Variants in FUT8 observed in about 807,000 individuals in gnomAD.
The protein encoded by FUT8 is fucosyltransferase 8, also known as alpha-(1,6)-fucosyltransferase.
FUT8 carries 29 observed loss-of-function variants against 71.3 expected under a neutral mutation model. The ratio of observed to expected loss-of-function variants is 0.41; its 90% confidence interval spans 0.30 to 0.55. The LOEUF (loss-of-function observed/expected upper bound fraction) is 0.55. Among genes scored for constraint, FUT8 ranks in the 20% least tolerant of loss-of-function variants. The pLI is 0.34. For missense variants in FUT8, 544 were observed against 702.1 expected, an observed-to-expected ratio of 0.77 and a Z score of 2.55; for synonymous variants, 254 against 239.3, an observed-to-expected ratio of 1.06 and a Z score of -0.57.
chr14:65,568,376 G>A (rs1253033013), intron 3 of FUT8, among the ~76,000 whole-genome samples: 1 of 149,084 alleles, frequency 6.7e-6, no homozygotes, highest in African/African-American at 2.5e-5. Context: ...TTTCTTTATT[G>A]TATATCTGTT....
At chr14:65,438,592 G>C (rs553253065) in intron 1 of FUT8, among the ~76,000 whole-genome samples, 2 of 152,334 alleles carry the variant, frequency 1.3e-5, no homozygotes, top group South Asian at 4.1e-4. Context: ...TGGTAGAGCA[G>C]CTCTGGAGTA....
chr14:65,622,662 T>C (rs1889677356), intron 5 of FUT8, among the ~76,000 whole-genome samples: 1 of 152,230 alleles, frequency 6.6e-6, no homozygotes, highest in Admixed American at 6.5e-5. Context: ...AATAAGGAGC[T>C]TTGTTTTCTT....
At chr14:65,474,757 G>GAGAGAAGGTATT (rs2066209203) in intron 2 of FUT8, among the ~76,000 whole-genome samples, 1 of 152,126 alleles carries the variant, frequency 6.6e-6, no homozygotes, top group Admixed American at 6.5e-5. Flanking sequence ...ATACCTTGGT[G>GAGAGAAGGTATT]AGCCTGAGAG....
At chr14:65,378,863 T>TTTTTTTGATGG in the FUT8 span, among the ~76,000 whole-genome samples, 1 of 141,038 alleles carries the variant, frequency 7.1e-6, no homozygotes, top group Non-Finnish European at 1.5e-5. Flanking sequence ...TTTTTTTTTT[T>TTTTTTTGATGG]GAGATGGAGT....
At chr14:65,541,473 G>A (rs1884675581) in intron 2 of FUT8, among the ~76,000 whole-genome samples, 1 of 152,182 alleles carries the variant, frequency 6.6e-6, no homozygotes, top group African/African-American at 2.4e-5. Flanking sequence ...TGCTGCTGCT[G>A]GATAAGTCTT....
In FUT8 at chr14:65,700,106, T is replaced by A. The variant is rs550649460; in HGVS notation, c.836-21669T>A. Among the ~76,000 whole-genome samples, 46 of 152,306 alleles carry A rather than the reference T, an allele frequency of 3.0e-4. 1 individual carries two copies. Among genetic ancestry groups the A allele is most frequent in the Non-Finnish European group, 5.1e-4 (35 of 68,026 alleles). ...TAACATAATCTGATTATGTTGTATATGTTGTTTCCTGTGCACTGAAGCCTA... is the reference window on the plus strand; with the variant it reads ...TAACATAATCTGATTATGTTGTATAAGTTGTTTCCTGTGCACTGAAGCCTA... On this transcript the variant is annotated intron_variant, in intron 7 of 10. Coordinates refer to ENST00000673929, the MANE Select transcript of FUT8 (RefSeq NM_001371533.1).
At chr14:65,639,361 G>A (rs1455121785) in intron 6 of FUT8, among the ~76,000 whole-genome samples, 1 of 152,202 alleles carries the variant, frequency 6.6e-6, no homozygotes, top group Middle Eastern at 3.4e-3. Flanking sequence ...TAGTTCATTG[G>A]TGCATTCATT....
chr14:65,742,132 C>T lies in FUT8; in HGVS notation c.1450C>T (p.Pro484Ser). 6.2e-7 allele frequency: 1 copy of T among 1,612,936 alleles called. No homozygotes were observed. The highest frequency in any genetic ancestry group is 8.5e-7 in the Non-Finnish European group (1 of 1,179,250). The change falls in exon 11 of 11, where the codon CCT (proline) becomes TCT (serine). Residue 484 changes from proline to serine, a missense_variant. Physicochemically the swap from Pro to Ser is moderately conservative, Grantham distance 74 (BLOSUM62 -1). Coordinates refer to ENST00000673929, the MANE Select transcript of FUT8 (RefSeq NM_001371533.1). Reference protein sequence around the residue: ...VAYEIMQTLHPDASANFHSLD... With the variant: ...VAYEIMQTLHSDASANFHSLD... ...TTATGAAATTATGCAAACACTACATCCTGATGCCTCTGCAAACTTCCATTC... is the reference window on the plus strand; with the variant it reads ...TTATGAAATTATGCAAACACTACATTCTGATGCCTCTGCAAACTTCCATTC...
At chr14:65,433,814 C>CTT (rs1436517316) in intron 1 of FUT8, among the ~76,000 whole-genome samples, 1 of 150,506 alleles carries the variant, frequency 6.6e-6, no homozygotes, top group African/African-American at 2.4e-5. Context: ...CTCTCTCTCT[C>CTT]TCTCGCTGTG....
chr14:65,475,627 A>G (rs2066226201), intron 2 of FUT8, among the ~76,000 whole-genome samples: 1 of 152,038 alleles, frequency 6.6e-6, no homozygotes, highest in South Asian at 2.1e-4. Flanking sequence ...ATGTAGTCCT[A>G]GGTACTTAGG....
chr14:65,588,210 C>G (rs1887494600), intron 3 of FUT8, among the ~76,000 whole-genome samples: 1 of 152,152 alleles, frequency 6.6e-6, no homozygotes, highest in African/African-American at 2.4e-5. Context: ...ACCCTATGCT[C>G]TAGCCATATA....
chr14:65,541,202 T>C (rs1408409439), intron 2 of FUT8, among the ~76,000 whole-genome samples: 1 of 152,224 alleles, frequency 6.6e-6, no homozygotes, highest in Non-Finnish European at 1.5e-5. Context: ...CAAATGTTGA[T>C]ATTCTTTTAC....
intron 2 of FUT8, chr14:65,471,289 C>T: frequency 6.2e-6 from 1 of 160,260 alleles, no homozygotes. Context: ...TGGTTAGGCA[C>T]TGTAAAACCG....
At chr14:65,471,207 T>C in intron 2 of FUT8, 1 of 193,176 alleles carries the variant, frequency 5.2e-6, no homozygotes, top group Non-Finnish European at 1.2e-5. Context: ...TGAGCCTGAG[T>C]TGAGTAACTG....
intron 2 of FUT8, among the ~76,000 whole-genome samples, chr14:65,558,627 T>C (rs1216756309): frequency 6.6e-6 from 1 of 152,196 alleles, no homozygotes; most frequent in Non-Finnish European, 1.5e-5. Context: ...CGTTTGTATT[T>C]TAGCAAGCAT....
chr14:65,364,765 A>T, the FUT8 span, among the ~76,000 whole-genome samples: 1 of 152,284 alleles, frequency 6.6e-6, no homozygotes, highest in African/African-American at 2.4e-5. Context: ...TCTTGCCAAG[A>T]TAGAATCTGA....
rs531678650 is a variant in FUT8 at position 65,582,930 on chromosome 14, A to T, written c.203+21164A>T. On this transcript the variant is annotated intron_variant, in intron 3 of 10. Transcript: ENST00000673929. ...TTAGACATGCTGATCTATGCCTGTT[A>T]TATCTTTGATCCCACTTATTACTTA... Among the ~76,000 whole-genome samples, 5 of 152,310 alleles carry T rather than the reference A, an allele frequency of 3.3e-5. No homozygotes were observed. In the East Asian group the frequency reaches 7.7e-4, roughly 24 times the overall value.
chr14:65,612,734 A>G (rs753980599), intron 3 of FUT8, among the ~76,000 whole-genome samples: 4 of 152,194 alleles, frequency 2.6e-5, no homozygotes, highest in African/African-American at 9.7e-5. Context: ...TCACAGGGCT[A>G]TCATCATTTG....
the FUT8 span, among the ~76,000 whole-genome samples, chr14:65,390,497 G>T: frequency 8.6e-5 from 13 of 151,668 alleles, no homozygotes; most frequent in African/African-American, 3.1e-4. Flanking sequence ...TGTGCATGTT[G>T]TCTAGTTTTC....
Sources: allele counts gnomAD v4.1 joint callset (sites outside exome capture counted in the v4.1 genomes callset), GRCh38; gene constraint gnomAD v4.1.1; transcripts MANE v1.5; gene names NCBI Gene and HGNC (gene_info 2026-07-23, HGNC 2026-07-21).